Variants in ZFAND3 observed in about 807,000 individuals in gnomAD.
The protein encoded by ZFAND3 is zinc finger AN1-type containing 3, also known as AN1-type zinc finger protein 3.
In ZFAND3, 10 loss-of-function variants were observed where a neutral mutation model predicts 29.6. The ratio of observed to expected loss-of-function variants is 0.34; its 90% confidence interval spans 0.21 to 0.57. The LOEUF is 0.57. ZFAND3 is among the 20% of genes least tolerant of loss of function. The pLI, the probability that ZFAND3 is intolerant of heterozygous loss-of-function variation, is 0.86. For missense variants in ZFAND3, 230 were observed against 304.5 expected, an observed-to-expected ratio of 0.76 and a Z score of 1.82; for synonymous variants, 128 against 112.6, an observed-to-expected ratio of 1.14 and a Z score of -0.87.
intron 5 of ZFAND3, among the ~76,000 whole-genome samples, chr6:38,151,609 G>A (rs1254954532): frequency 6.6e-6 from 1 of 152,194 alleles, no homozygotes; most frequent in Non-Finnish European, 1.5e-5. Context: ...ACCCAGTGCA[G>A]TTAGAAGTGT....
At chr6:37,999,681 A>G (rs1011279342) in intron 2 of ZFAND3, among the ~76,000 whole-genome samples, 7 of 152,234 alleles carry the variant, frequency 4.6e-5, no homozygotes, top group Admixed American at 2.0e-4. Flanking sequence ...ACAAATGTCA[A>G]GGTTATCAAA....
intron 5 of ZFAND3, chr6:38,142,278 T>C (rs765976854): frequency 4.2e-6 from 2 of 471,560 alleles, no homozygotes; most frequent in South Asian, 3.1e-5. Context: ...TGGAGAGAGA[T>C]GTGTGGCATT....
rs1193585476 is a variant in ZFAND3 at position 38,041,631 on chromosome 6, TTTCTTCTTC to T, written c.113-19915_113-19907del. The stretch of plus-strand genomic sequence containing the variant: ...GTCACCACTGTTTTTTTATCTACTT[TTTCTTCTTC>T]TTCTTCTTCTTCTTCTTCTTCTTCT... On this transcript the variant is annotated intron_variant, in intron 2 of 5. Transcript: ENST00000287218. 2.7e-3 allele frequency among the ~76,000 whole-genome samples: 150 copies of T among 56,226 alleles called. 2 individuals are homozygous for T. Among genetic ancestry groups the T allele is most frequent in the African/African-American group, 4.8e-3 (88 of 18,266 alleles). The allele number at this position is 56,226 out of a possible 152,430, so 36.9% of individuals were successfully genotyped here.
At chr6:38,116,826 G>C in intron 5 of ZFAND3, 87 bp downstream of exon 5, 1 of 1,509,032 alleles carries the variant, frequency 6.6e-7, no homozygotes, top group Non-Finnish European at 9.0e-7. Context: ...GAAGTCTTTC[G>C]TTCTTCTTCT....
chr6:37,957,390 T>G (rs1306226403), intron 2 of ZFAND3, among the ~76,000 whole-genome samples: 2 of 151,756 alleles, frequency 1.3e-5, no homozygotes, highest in Non-Finnish European at 2.9e-5. Flanking sequence ...TGTCTCGGAG[T>G]CTCAGTTTGC....
At chr6:37,968,371 T>G (rs1762327620) in intron 2 of ZFAND3, among the ~76,000 whole-genome samples, 1 of 151,110 alleles carries the variant, frequency 6.6e-6, no homozygotes, top group Admixed American at 6.6e-5. Context: ...CCAAACAAGA[T>G]AGAGAGGTGG....
chr6:38,047,098 C>T (rs1254183646), intron 2 of ZFAND3, among the ~76,000 whole-genome samples: 1 of 152,006 alleles, frequency 6.6e-6, no homozygotes, highest in African/African-American at 2.4e-5. Flanking sequence ...ATGCGGATCA[C>T]TTGAGGTCAG....
intron 5 of ZFAND3, among the ~76,000 whole-genome samples, chr6:38,144,490 A>T (rs1210095460): frequency 6.6e-6 from 1 of 152,130 alleles, no homozygotes. Flanking sequence ...CCTGGGCCCC[A>T]TCACTGTGCT....
At chr6:38,080,197 C>G (rs1764634093) in intron 3 of ZFAND3, among the ~76,000 whole-genome samples, 1 of 151,828 alleles carries the variant, frequency 6.6e-6, no homozygotes, top group Admixed American at 6.6e-5. Flanking sequence ...AGGAGAAATA[C>G]CTAATGTAGA....
At chr6:37,849,738 T>C (rs968135151) in intron 1 of ZFAND3, among the ~76,000 whole-genome samples, 1 of 152,138 alleles carries the variant, frequency 6.6e-6, no homozygotes, top group African/African-American at 2.4e-5. Flanking sequence ...TTCACTCCTT[T>C]TAAAATGATA....
chr6:38,145,474 T>C (rs1766086362), intron 5 of ZFAND3, among the ~76,000 whole-genome samples: 1 of 152,232 alleles, frequency 6.6e-6, no homozygotes, highest in Admixed American at 6.5e-5. Context: ...CTCAGTCATG[T>C]AGGTTTAGTC....
chr6:37,970,240 TC>T (rs1232944951), intron 2 of ZFAND3, among the ~76,000 whole-genome samples: 1 of 152,094 alleles, frequency 6.6e-6, no homozygotes, highest in Non-Finnish European at 1.5e-5. Flanking sequence ...CATGTATAGG[TC>T]AGGGATCAAA....
intron 1 of ZFAND3, among the ~76,000 whole-genome samples, chr6:37,912,951 T>C (rs1765549284): frequency 6.6e-6 from 1 of 152,220 alleles, no homozygotes. Context: ...AAAAGTTATG[T>C]TTATACCATA....
chr6:37,963,396 A>C (rs920375707), intron 2 of ZFAND3, among the ~76,000 whole-genome samples: 1 of 152,230 alleles, frequency 6.6e-6, no homozygotes, highest in Non-Finnish European at 1.5e-5. Flanking sequence ...AGAAAAGAAT[A>C]AAAACTTCAG....
intron 1 of ZFAND3, among the ~76,000 whole-genome samples, chr6:37,834,414 G>C (rs1763924903): frequency 1.3e-5 from 2 of 152,128 alleles, no homozygotes; most frequent in African/African-American, 4.8e-5. Flanking sequence ...AAGACATCTT[G>C]ATTGCTTCCA....
chr6:37,902,760 T>TTTA (rs58805072), intron 1 of ZFAND3, among the ~76,000 whole-genome samples: 1 of 147,932 alleles, frequency 6.8e-6, no homozygotes, highest in Non-Finnish European at 1.5e-5. Context: ...TTTTTTTTTT[T>TTTA]AAGAGATGAT....
At chr6:38,085,164 A>T (rs781704084) in intron 4 of ZFAND3, among the ~76,000 whole-genome samples, 1 of 152,184 alleles carries the variant, frequency 6.6e-6, no homozygotes, top group African/African-American at 2.4e-5. Flanking sequence ...CTTTATGTCT[A>T]GGCTCTTCAA....
intron 2 of ZFAND3, among the ~76,000 whole-genome samples, chr6:37,940,915 AAAG>A (rs1761800101): frequency 6.6e-6 from 1 of 152,230 alleles, no homozygotes; most frequent in Non-Finnish European, 1.5e-5. Flanking sequence ...TTTTGTGAAA[AAAG>A]AGAGGAAAGG....
At chr6:38,090,895 T>G (rs1764854256) in intron 4 of ZFAND3, among the ~76,000 whole-genome samples, 1 of 152,222 alleles carries the variant, frequency 6.6e-6, no homozygotes, top group Non-Finnish European at 1.5e-5. Context: ...GTTTTGTAAT[T>G]GGAGCCCTAA....
Sources: gnomAD v4.1 joint callset for allele counts (sites outside exome capture counted in the v4.1 genomes callset) on GRCh38, gnomAD v4.1.1 for gene constraint, MANE v1.5 for transcripts, NCBI Gene and HGNC (gene_info 2026-07-23, HGNC 2026-07-21) for gene names.